GRIK1: variants seen among roughly 807,000 people sequenced by gnomAD.
GRIK1 encodes the protein glutamate receptor ionotropic, kainate 1.
GRIK1 carries 69 observed loss-of-function variants against 105.7 expected under a neutral mutation model. That is an observed-to-expected ratio of 0.65 (90% CI 0.54 to 0.80). GRIK1 has a LOEUF of 0.80. Ranked by LOEUF, GRIK1 falls within the 30% of genes least tolerant of loss-of-function variation. The pLI, the probability that GRIK1 is intolerant of heterozygous loss-of-function variation, is 0.00. For synonymous variants in GRIK1, 438 were observed against 431.3 expected, an observed-to-expected ratio of 1.02 and a Z score of -0.19; for missense variants, 1,109 against 1,167.3, an observed-to-expected ratio of 0.95 and a Z score of 0.73.
intron 1 of GRIK1, among the ~76,000 whole-genome samples, chr21:29,860,999 T>G (rs889687740): frequency 7.1e-6 from 1 of 141,344 alleles, no homozygotes; most frequent in Non-Finnish European, 1.5e-5. Flanking sequence ...TTTCATCTGG[T>G]TTTTTTTTTT....
At chr21:29,725,892 G>A (rs1327013361) in intron 1 of GRIK1, among the ~76,000 whole-genome samples, 1 of 152,144 alleles carries the variant, frequency 6.6e-6, no homozygotes, top group Non-Finnish European at 1.5e-5. Flanking sequence ...AACAAGGGTG[G>A]ATTTCTGATT....
chr21:29,850,047 T>C (rs894894098), intron 1 of GRIK1, among the ~76,000 whole-genome samples: 11 of 152,300 alleles, frequency 7.2e-5, no homozygotes, highest in African/African-American at 2.6e-4. Context: ...TCTGTGCAAA[T>C]CTTAAAATAG....
At chr21:29,694,973 T>A (rs1309558836) in intron 1 of GRIK1, among the ~76,000 whole-genome samples, 3 of 151,808 alleles carry the variant, frequency 2.0e-5, no homozygotes, top group Admixed American at 1.3e-4. Flanking sequence ...TTTCTTTTCT[T>A]TTTTTCTTTC....
intron 1 of GRIK1, among the ~76,000 whole-genome samples, chr21:29,806,727 T>C (rs1304723641): frequency 1.3e-5 from 2 of 152,130 alleles, no homozygotes; most frequent in Non-Finnish European, 2.9e-5. Flanking sequence ...GCACTGAAGA[T>C]ATGTAACAAT....
chr21:29,704,150 A>C (rs9974331), intron 1 of GRIK1, among the ~76,000 whole-genome samples: 147,638 of 152,294 alleles, frequency 0.97, 71,738 homozygotes, highest in East Asian at 1. Flanking sequence ...ACATTATTAG[A>C]CATCTATTAA....
At chr21:29,908,001 C>T (rs141170028) in intron 1 of GRIK1, among the ~76,000 whole-genome samples, 95 of 152,140 alleles carry the variant, frequency 6.2e-4, no homozygotes, top group African/African-American at 1.9e-3. Context: ...GAATCTTCAT[C>T]TATAAATTAA....
intron 1 of GRIK1, among the ~76,000 whole-genome samples, chr21:29,874,169 C>T (rs1450144770): frequency 6.6e-6 from 1 of 152,124 alleles, no homozygotes; most frequent in African/African-American, 2.4e-5. Context: ...TGTTTGGGGA[C>T]CCCTGCTATC....
rs991167787 is a variant in GRIK1, at chr21:29,744,671, A to T, written c.119-50608T>A. 3.3e-5 allele frequency among the ~76,000 whole-genome samples: 5 copies of T among 151,986 alleles called. No individual in the cohort carries two copies. In the East Asian group the frequency reaches 9.7e-4, roughly 29 times the overall value. On this transcript the variant is annotated intron_variant, in intron 1 of 17. Transcript: ENST00000327783. ...CAGGATAGACTTCACTTGTTCTGAAAATTTGGTCTATATTTTTCAAGATCT... is the reference window on the plus strand; with the variant it reads ...CAGGATAGACTTCACTTGTTCTGAATATTTGGTCTATATTTTTCAAGATCT...
chr21:29,567,286 T>G (rs749252210), intron 14 of GRIK1, among the ~76,000 whole-genome samples: 26 of 152,208 alleles, frequency 1.7e-4, no homozygotes, highest in Non-Finnish European at 3.4e-4. Flanking sequence ...TTAAGCCTGA[T>G]GGACTCCATT....
intron 1 of GRIK1, among the ~76,000 whole-genome samples, chr21:29,931,112 T>C (rs1409711475): frequency 1.3e-5 from 2 of 152,226 alleles, no homozygotes; most frequent in Non-Finnish European, 2.9e-5. Flanking sequence ...TGGTACAGCG[T>C]TAAAATTAAT....
chr21:29,653,097 A>G (rs2062775171), intron 5 of GRIK1, among the ~76,000 whole-genome samples: 1 of 152,194 alleles, frequency 6.6e-6, no homozygotes, highest in African/African-American at 2.4e-5. Context: ...TAAGAATATA[A>G]AAGCCAACCA....
chr21:29,684,567 G>A (rs2063451269), intron 3 of GRIK1, among the ~76,000 whole-genome samples: 1 of 152,046 alleles, frequency 6.6e-6, no homozygotes. Context: ...GAGTGCAGTG[G>A]TGCGATCTTG....
chr21:29,782,375 C>T (rs1451048879), intron 1 of GRIK1, among the ~76,000 whole-genome samples: 1 of 152,130 alleles, frequency 6.6e-6, no homozygotes, highest in Admixed American at 6.5e-5. Context: ...CCACTTTTTT[C>T]GGTAATGTTC....
chr21:29,642,903 G>T lies in GRIK1; in HGVS notation c.1021C>A (p.Leu341Met). The T allele has an allele frequency of 6.2e-7, 1 of 1,613,642 alleles. No individual in the cohort carries two copies. Among genetic ancestry groups the T allele is most frequent in the Non-Finnish European group, 8.5e-7 (1 of 1,179,514 alleles). ...TGGCACTGCAGGGAGCTGACGGTCAGCTGGGATGCCCGGTGCGAGGCAATG... is the reference window on the plus strand; with the variant it reads ...TGGCACTGCAGGGAGCTGACGGTCATCTGGGATGCCCGGTGCGAGGCAATG... Reference protein sequence around the residue: ...VAIASHRASQLTVSSLQCHRH... With the variant: ...VAIASHRASQMTVSSLQCHRH... The change falls in exon 7 of 18, where the codon CTG becomes ATG. Residue 341 changes from leucine to methionine, a missense_variant. Leu to Met is a conservative substitution (Grantham distance 15, BLOSUM62 2). Around this residue, in one of 5 missense-constraint regions of GRIK1, gnomAD observed 612 missense variants for 586.0 expected, o/e 1.04. Coordinates refer to ENST00000327783, the MANE Select transcript of GRIK1 (RefSeq NM_001330994.2).
chr21:29,757,232 G>T (rs987064566), intron 1 of GRIK1, among the ~76,000 whole-genome samples: 2 of 152,168 alleles, frequency 1.3e-5, no homozygotes, highest in Non-Finnish European at 2.9e-5. Flanking sequence ...AAAAGGGGTT[G>T]GTGGCCTCAT....
At chr21:29,816,211 A>G (rs1041759146) in intron 1 of GRIK1, among the ~76,000 whole-genome samples, 2 of 152,114 alleles carry the variant, frequency 1.3e-5, no homozygotes, top group Non-Finnish European at 2.9e-5. Flanking sequence ...AACATAATTA[A>G]TTATTAGGAA....
intron 1 of GRIK1, among the ~76,000 whole-genome samples, chr21:29,724,993 G>T: frequency 7.0e-6 from 1 of 143,502 alleles, no homozygotes; most frequent in African/African-American, 2.7e-5. Flanking sequence ...TGAAACCTTG[G>T]TCCCTTTGCC....
At chr21:29,584,312 T>G (rs139420741) in intron 12 of GRIK1, among the ~76,000 whole-genome samples, 1 of 152,264 alleles carries the variant, frequency 6.6e-6, no homozygotes, top group East Asian at 1.9e-4. Context: ...TTCTAGATTT[T>G]TTTTTGCCAA....
intron 14 of GRIK1, among the ~76,000 whole-genome samples, chr21:29,564,426 CG>C (rs1385044951): frequency 1.2e-4 from 18 of 152,296 alleles, no homozygotes; most frequent in African/African-American, 4.1e-4. Flanking sequence ...GGATTACAGG[CG>C]TGAGCCACCG....
Sources: allele counts gnomAD v4.1 joint callset (sites outside exome capture counted in the v4.1 genomes callset), GRCh38; gene constraint gnomAD v4.1.1; regional missense constraint gnomAD v4.1.1; transcripts MANE v1.5; gene names NCBI Gene and HGNC (gene_info 2026-07-23, HGNC 2026-07-21).